Variants in ATRX observed in about 807,000 individuals in gnomAD.
The protein encoded by ATRX is chromatin remodeler ATRX.
In ATRX, 12 loss-of-function variants were observed where a neutral mutation model predicts 172.6. The ratio of observed to expected loss-of-function variants is 0.07; its 90% CI spans 0.04 to 0.11. The LOEUF (loss-of-function observed/expected upper bound fraction) is 0.11, where lower values mean the gene tolerates loss of function less well. Ranked by LOEUF, ATRX falls within the 10% of genes least tolerant of loss-of-function variation. The pLI, the probability that ATRX is intolerant of heterozygous loss-of-function variation, is 1.00. For synonymous variants in ATRX, 674 were observed against 594.7 expected, an observed-to-expected ratio of 1.13 and a Z score of -1.94; for missense variants, 1,368 against 1,767.4, an observed-to-expected ratio of 0.77 and a Z score of 4.05.
intron 9 of ATRX, among the ~76,000 whole-genome samples, chrX:77,677,504 G>C (rs1557134329): frequency 9.0e-6 from 1 of 111,323 alleles, no homozygotes; most frequent in African/African-American, 3.3e-5. Context: ...TACACACGTG[G>C]TACAACTGCA....
At chrX:77,532,890 T>C (rs1482077598) in intron 30 of ATRX, among the ~76,000 whole-genome samples, 1 of 112,028 alleles carries the variant, frequency 8.9e-6, no homozygotes, top group East Asian at 2.8e-4. Flanking sequence ...TTGCAATCTA[T>C]CTATATTACA....
chrX:77,735,182 C>T (rs1262306290), intron 1 of ATRX, among the ~76,000 whole-genome samples: 1 of 112,299 alleles, frequency 8.9e-6, no homozygotes, highest in Admixed American at 9.4e-5. Flanking sequence ...AGACTCCAGG[C>T]CGGGTGCAGT....
rs782653290 is a variant in ATRX at position 77,590,488 on chromosome X, C to T, written c.6111-548G>A. Among the ~76,000 whole-genome samples, 7 of 107,467 alleles carry T rather than the reference C, an allele frequency of 6.5e-5. No homozygotes were observed. The South Asian group carries it at 2.1e-3, about 32-fold the overall frequency. 93.3% of individuals were successfully genotyped at this position (107,467 alleles called of 115,157 possible). A position where few individuals can be genotyped will look rare whatever the true frequency, so the allele number is the denominator to read the frequency against. On this transcript the variant is annotated intron_variant, in intron 26 of 34. Transcript: ENST00000373344. ...TAAGCTGGGCACTGTGGTGGGCGCC[C>T]GTAGTCCCAGCTACTCGGGAGGCTG...
chrX:77,784,135 A>G (rs1447731958), intron 1 of ATRX, among the ~76,000 whole-genome samples: 1 of 112,217 alleles, frequency 8.9e-6, no homozygotes, highest in East Asian at 2.8e-4. Context: ...TGTGAAGTCA[A>G]GATGGGGTTC....
intron 7 of ATRX, 91 bp downstream of exon 7, chrX:77,688,727 C>T (rs1344826432): frequency 2.7e-6 from 2 of 736,687 alleles, no homozygotes; most frequent in Non-Finnish European, 4.2e-6. Context: ...ATACCATTTT[C>T]ATCTTTCTTC....
intron 2 of ATRX, among the ~76,000 whole-genome samples, chrX:77,716,301 TA>T (rs35192332): frequency 1.1e-3 from 41 of 37,848 alleles, no homozygotes; most frequent in African/African-American, 1.8e-3. Context: ...CTCGTCTCTT[TA>T]AAAAAAAAAA....
intron 30 of ATRX, among the ~76,000 whole-genome samples, chrX:77,555,359 T>C (rs782632027): frequency 1.4e-4 from 16 of 111,700 alleles, no homozygotes; most frequent in Non-Finnish European, 3.0e-4. Context: ...TTACTGGGTA[T>C]ATACCCAAAG....
At chrX:77,611,351 G>A (rs781955472) in intron 22 of ATRX, among the ~76,000 whole-genome samples, 7 of 110,923 alleles carry the variant, frequency 6.3e-5, no homozygotes, top group Non-Finnish European at 7.6e-5. Flanking sequence ...CCATCAAGAG[G>A]GCTCATTTCT....
intron 28 of ATRX, among the ~76,000 whole-genome samples, chrX:77,573,071 T>C (rs1557068461): frequency 8.9e-6 from 1 of 112,420 alleles, no homozygotes; most frequent in Non-Finnish European, 1.9e-5. Context: ...TTTGTGTATG[T>C]GTATACGTAT....
At chrX:77,547,996 G>A (rs1359922780) in intron 30 of ATRX, among the ~76,000 whole-genome samples, 3 of 111,846 alleles carry the variant, frequency 2.7e-5, no homozygotes, top group Admixed American at 9.5e-5. Flanking sequence ...AACAAAAACA[G>A]CAGCTAACAT....
intron 22 of ATRX, chrX:77,616,160 G>A (rs1318636281): frequency 2.6e-6 from 2 of 779,821 alleles, no homozygotes; most frequent in Non-Finnish European, 1.5e-6. Flanking sequence ...GCATTTTGGT[G>A]TATTTTAGGC....
chrX:77,571,982 C>A (rs1182980624), intron 28 of ATRX, among the ~76,000 whole-genome samples: 2 of 111,604 alleles, frequency 1.8e-5, no homozygotes, highest in Non-Finnish European at 3.8e-5. Flanking sequence ...TATTTATATC[C>A]TATTTACTGA....
intron 8 of ATRX, 141 bp downstream of exon 8, chrX:77,684,798 T>C: frequency 1.3e-6 from 1 of 748,841 alleles, no homozygotes. Flanking sequence ...TAGACATAAA[T>C]CCAGGGTTTT....
At chrX:77,532,319 C>T (rs1180746123) in intron 30 of ATRX, among the ~76,000 whole-genome samples, 3 of 110,943 alleles carry the variant, frequency 2.7e-5, no homozygotes, top group African/African-American at 9.8e-5. Context: ...CAAAAAAGAG[C>T]CCAAATAGCC....
At chrX:77,739,169 C>T (rs1375585185) in intron 1 of ATRX, among the ~76,000 whole-genome samples, 5 of 110,324 alleles carry the variant, frequency 4.5e-5, no homozygotes, top group African/African-American at 1.3e-4. Flanking sequence ...CCCCAAAAGC[C>T]ACTGTGTCAT....
At chrX:77,516,276 A>C (rs1324645049) in intron 34 of ATRX, among the ~76,000 whole-genome samples, 1 of 112,124 alleles carries the variant, frequency 8.9e-6, no homozygotes, top group Non-Finnish European at 1.9e-5. Flanking sequence ...AAACTCTCCA[A>C]TCAAGACATA....
chrX:77,535,654 G>T (rs912794017), intron 30 of ATRX, among the ~76,000 whole-genome samples: 1 of 111,230 alleles, frequency 9.0e-6, no homozygotes, highest in Admixed American at 9.6e-5. Context: ...TCAATTATAG[G>T]TACAATGTAA....
At chrX:77,603,005 T>C (rs1300688396) in intron 22 of ATRX, among the ~76,000 whole-genome samples, 1 of 109,832 alleles carries the variant, frequency 9.1e-6, no homozygotes, top group Admixed American at 9.7e-5. Context: ...CCTTAGCCTA[T>C]TAAGAAAAAA....
intron 1 of ATRX, among the ~76,000 whole-genome samples, chrX:77,733,235 A>G (rs2074376463): frequency 8.9e-6 from 1 of 111,759 alleles, no homozygotes; most frequent in African/African-American, 3.3e-5. Flanking sequence ...ATCCAAAGCA[A>G]TCTATAGATT....
Sources: gnomAD v4.1 joint callset for allele counts (sites outside exome capture counted in the v4.1 genomes callset) on GRCh38, gnomAD v4.1.1 for gene constraint, MANE v1.5 for transcripts, NCBI Gene and HGNC (gene_info 2026-07-23, HGNC 2026-07-21) for gene names.